Variants in TMEM232 observed in about 807,000 individuals in gnomAD.
TMEM232 encodes the protein transmembrane protein 232.
TMEM232 carries 80 observed loss-of-function variants against 78.8 expected under a neutral mutation model. The ratio of observed to expected loss-of-function variants is 1.01; its 90% CI spans 0.85 to 1.22. TMEM232 has a LOEUF of 1.22. Among genes scored for constraint, TMEM232 ranks in the 50% most tolerant of loss-of-function variants. The probability of loss-of-function intolerance (pLI) is 0.00; values close to 1 mark genes in which losing one functional copy is unlikely to be tolerated. For synonymous variants in TMEM232, 297 were observed against 254.3 expected (o/e 1.17, Z -1.60); for missense variants, 881 against 742.2 (o/e 1.19, Z -2.17).
intron 10 of TMEM232, among the ~76,000 whole-genome samples, chr5:110,573,185 AGT>A (rs1777160211): frequency 1.3e-5 from 2 of 152,222 alleles, no homozygotes; most frequent in African/African-American, 4.8e-5. Context: ...GCCTTATTCC[AGT>A]GTTTGAACCC....
At chr5:110,411,676 G>A (rs1024583228) in intron 2 of TMEM232, among the ~76,000 whole-genome samples, 4 of 152,110 alleles carry the variant, frequency 2.6e-5, no homozygotes, top group Admixed American at 2.0e-4. Context: ...ATATATAAGT[G>A]GAATCATACA....
intron 1 of TMEM232, among the ~76,000 whole-genome samples, chr5:110,684,110 T>C (rs1359051751): frequency 1.3e-5 from 2 of 151,968 alleles, no homozygotes; most frequent in African/African-American, 4.8e-5. Context: ...AACATGATAA[T>C]TAATGATAAA....
At chr5:110,438,522 A>G (rs1758681695) in intron 12 of TMEM232, among the ~76,000 whole-genome samples, 1 of 151,874 alleles carries the variant, frequency 6.6e-6, no homozygotes, top group Admixed American at 6.6e-5. Flanking sequence ...ATGTCACGCT[A>G]CTTTCTATAA....
intron 10 of TMEM232, among the ~76,000 whole-genome samples, chr5:110,579,297 A>G (rs1777910894): frequency 6.6e-6 from 1 of 151,664 alleles, no homozygotes; most frequent in African/African-American, 2.4e-5. Context: ...CAGACAAACA[A>G]AAGTTGAGGG....
intron 12 of TMEM232, among the ~76,000 whole-genome samples, chr5:110,452,213 G>A (rs1282750169): frequency 6.6e-6 from 1 of 152,096 alleles, no homozygotes; most frequent in African/African-American, 2.4e-5. Flanking sequence ...TGATTTTATA[G>A]TAAACAGATA....
intron 1 of TMEM232, among the ~76,000 whole-genome samples, chr5:110,679,568 T>G (rs1261628642): frequency 6.6e-6 from 1 of 152,168 alleles, no homozygotes; most frequent in Admixed American, 6.5e-5. Flanking sequence ...AACATGTATT[T>G]GGTGTCATAT....
chr5:110,485,981 T>C (rs1764420142), intron 12 of TMEM232, among the ~76,000 whole-genome samples: 1 of 152,020 alleles, frequency 6.6e-6, no homozygotes, highest in Admixed American at 6.6e-5. Flanking sequence ...CAATATCTAC[T>C]GTTTTTCAAT....
At chr5:110,564,611 A>G (rs1343812817) in intron 11 of TMEM232, among the ~76,000 whole-genome samples, 1 of 151,994 alleles carries the variant, frequency 6.6e-6, no homozygotes, top group Non-Finnish European at 1.5e-5. Context: ...ACGACCAGTA[A>G]GAAAGTTGGG....
intron 12 of TMEM232, among the ~76,000 whole-genome samples, chr5:110,468,499 T>C (rs1212293503): frequency 6.6e-6 from 1 of 152,064 alleles, no homozygotes; most frequent in African/African-American, 2.4e-5. Context: ...TAACTTTAAA[T>C]ATCAATGTAA....
At position 110,716,805 on chromosome 5, in the gene TMEM232, G is replaced by A. The variant is rs535193495; in HGVS notation, c.-13+9822C>T. On this transcript the variant is annotated intron_variant, in intron 1 of 13. Transcript: ENST00000455884. ...AACTTGAAGAAACAGTTCTGTACTG[G>A]TGCTGTGTTTTAGAAGAACATTAAC... Among the ~76,000 whole-genome samples, 11 of 152,226 alleles carry A rather than the reference G, an allele frequency of 7.2e-5. No individual in the cohort carries two copies. In the South Asian group the frequency reaches 2.3e-3, roughly 32 times the overall value.
In TMEM232 at chr5:110,419,885, A is replaced by C. The variant is rs999315747; in HGVS notation, c.*695T>G. Among the ~76,000 whole-genome samples the C allele has an allele frequency of 6.6e-6, 1 of 152,110 alleles. No individual in the cohort carries two copies. The highest frequency in any genetic ancestry group is 6.5e-5 in the Admixed American group (1 of 15,272). On this transcript the variant is annotated 3_prime_UTR_variant, in exon 14 of 14. Coordinates refer to ENST00000455884, the MANE Select transcript of TMEM232 (RefSeq NM_001039763.4). ...AAGTTCCATTTCTAAAATAACTCCT[A>C]TTTCTATGAATGTCTTCAGCAGTTG...
At chr5:110,618,405 T>G (rs1165530336) in intron 8 of TMEM232, 24 bp downstream of exon 8, 9 of 1,547,194 alleles carry the variant, frequency 5.8e-6, no homozygotes, top group Non-Finnish European at 7.9e-6. Context: ...ATGAGTTACT[T>G]TGGATTTATA....
At chr5:110,503,316 G>C (rs1766481290) in intron 12 of TMEM232, among the ~76,000 whole-genome samples, 1 of 152,164 alleles carries the variant, frequency 6.6e-6, no homozygotes, top group Admixed American at 6.6e-5. Flanking sequence ...AGGTGATATA[G>C]AGTCAAAGAT....
At chr5:110,451,747 C>T (rs543851674) in intron 12 of TMEM232, among the ~76,000 whole-genome samples, 2 of 151,998 alleles carry the variant, frequency 1.3e-5, no homozygotes, top group Non-Finnish European at 2.9e-5. Context: ...TCTTATAGCC[C>T]TTTACTTTTC....
At chr5:110,627,959 ATAT>A in intron 5 of TMEM232, 79 bp from the exon 6 acceptor site, 1 of 953,580 alleles carries the variant, frequency 1.0e-6, no homozygotes, top group Non-Finnish European at 1.6e-6. Context: ...ATCAACCATT[ATAT>A]TATTACATTT....
chr5:110,712,712 A>T (rs999430981), intron 1 of TMEM232, among the ~76,000 whole-genome samples: 1 of 152,150 alleles, frequency 6.6e-6, no homozygotes, highest in African/African-American at 2.4e-5. Context: ...GAGGAGATAC[A>T]ATGTCACCCA....
chr5:110,611,507 T>C (rs1260175583), intron 8 of TMEM232, among the ~76,000 whole-genome samples: 1 of 152,152 alleles, frequency 6.6e-6, no homozygotes, highest in African/African-American at 2.4e-5. Flanking sequence ...GATGGGGCAC[T>C]AACTGTTTCC....
intron 12 of TMEM232, among the ~76,000 whole-genome samples, chr5:110,500,830 G>A (rs17132170): frequency 0.014 from 2,115 of 152,256 alleles, 42 homozygotes; most frequent in African/African-American, 0.048. Context: ...GTCTGGAACA[G>A]CCACTTACAG....
rs1268726877 is a variant in TMEM232, at chr5:110,599,784, C to T, written c.1276+5325G>A. On this transcript the variant is annotated intron_variant, in intron 10 of 13. Coordinates refer to ENST00000455884, the MANE Select transcript of TMEM232 (RefSeq NM_001039763.4). ...GAGACAGGAAATTAACAAGGATATT[C>T]AGGAATTGAACTCAGCTCTGGACCA... 3.3e-5 allele frequency among the ~76,000 whole-genome samples: 5 copies of T among 152,258 alleles called. No homozygotes were observed. In the East Asian group the frequency reaches 9.7e-4, roughly 29 times the overall value.
Sources: gnomAD v4.1 joint callset for allele counts (sites outside exome capture counted in the v4.1 genomes callset) on GRCh38, gnomAD v4.1.1 for gene constraint, MANE v1.5 for transcripts, NCBI Gene and HGNC (gene_info 2026-07-23, HGNC 2026-07-21) for gene names.